CCSER1: variants seen among roughly 807,000 people sequenced by gnomAD.
CCSER1 encodes coiled-coil serine rich protein 1.
In CCSER1, 41 loss-of-function variants were observed where a neutral mutation model predicts 82.0. The observed-to-expected ratio is 0.50, with a 90% CI of 0.39 to 0.65. The LOEUF is 0.65. Ranked by LOEUF, CCSER1 falls within the 30% of genes least tolerant of loss-of-function variation. The pLI is 0.00. For missense variants in CCSER1, 1,119 were observed against 1,064.2 expected (o/e 1.05, Z -0.72); for synonymous variants, 414 against 383.9 (o/e 1.08, Z -0.92).
intron 9 of CCSER1, among the ~76,000 whole-genome samples, chr4:90,993,335 G>T (rs1344007561): frequency 6.6e-6 from 1 of 151,774 alleles, no homozygotes; most frequent in Non-Finnish European, 1.5e-5. Context: ...ATTATTCTCG[G>T]GTGGAACTGA....
intron 5 of CCSER1, among the ~76,000 whole-genome samples, chr4:90,543,247 C>T (rs965510571): frequency 1.1e-4 from 16 of 152,038 alleles, no homozygotes; most frequent in African/African-American, 3.9e-4. Context: ...TATATATCAA[C>T]CTAAAAACAC....
intron 1 of CCSER1, among the ~76,000 whole-genome samples, chr4:90,269,784 CCTGA>C (rs1187507233): frequency 2.6e-5 from 4 of 151,372 alleles, no homozygotes; most frequent in African/African-American, 9.7e-5. Context: ...AAACCTTTAG[CCTGA>C]CTAAGAAAAC....
At chr4:91,347,396 C>T (rs975187772) in intron 10 of CCSER1, among the ~76,000 whole-genome samples, 2 of 152,058 alleles carry the variant, frequency 1.3e-5, no homozygotes, top group African/African-American at 4.8e-5. Flanking sequence ...TTGGTAGTAT[C>T]AGTCTTCCAA....
intron 10 of CCSER1, among the ~76,000 whole-genome samples, chr4:91,436,548 GA>G (rs1388481449): frequency 6.6e-6 from 1 of 152,174 alleles, no homozygotes; most frequent in Non-Finnish European, 1.5e-5. Context: ...TCAAGACATA[GA>G]AATGGAGATT....
intron 10 of CCSER1, among the ~76,000 whole-genome samples, chr4:91,142,845 T>C (rs1047820809): frequency 9.3e-5 from 14 of 150,662 alleles, no homozygotes; most frequent in African/African-American, 3.5e-4. Context: ...TTTGTGTCTG[T>C]TTTTTTACCA....
intron 10 of CCSER1, among the ~76,000 whole-genome samples, chr4:91,331,078 T>C (rs139015372): frequency 0.014 from 2,078 of 151,980 alleles, 29 homozygotes; most frequent in South Asian, 0.047. Flanking sequence ...CCACTGGGGG[T>C]CTTGAAATGT....
At chr4:91,298,012 G>A (rs1744350907) in intron 10 of CCSER1, among the ~76,000 whole-genome samples, 1 of 151,952 alleles carries the variant, frequency 6.6e-6, no homozygotes, top group Admixed American at 6.6e-5. Flanking sequence ...ATAATAGGTA[G>A]TGTTAAGAAG....
chr4:90,297,401 A>G (rs1002657613), intron 1 of CCSER1, among the ~76,000 whole-genome samples: 124 of 151,984 alleles, frequency 8.2e-4, no homozygotes, highest in African/African-American at 2.9e-3. Context: ...GGGCTGAGAC[A>G]GTGGGGTTTT....
intron 1 of CCSER1, among the ~76,000 whole-genome samples, chr4:90,167,034 G>A (rs966795275): frequency 2.6e-5 from 4 of 151,838 alleles, no homozygotes; most frequent in Admixed American, 6.6e-5. Context: ...CTTCTTATGT[G>A]TATTGTTTAT....
At chr4:90,829,551 A>G (rs1193438914) in intron 8 of CCSER1, among the ~76,000 whole-genome samples, 1 of 152,206 alleles carries the variant, frequency 6.6e-6, no homozygotes, top group Non-Finnish European at 1.5e-5. Flanking sequence ...GTATGGGTCC[A>G]TAGTAACTTC....
chr4:90,315,125 C>A (rs1393691723), intron 3 of CCSER1, among the ~76,000 whole-genome samples: 1 of 152,140 alleles, frequency 6.6e-6, no homozygotes, highest in East Asian at 1.9e-4. Flanking sequence ...GCTGGGATTA[C>A]AAGCGTGAGC....
chr4:91,444,284 T>C (rs1755406606), intron 10 of CCSER1, among the ~76,000 whole-genome samples: 1 of 152,176 alleles, frequency 6.6e-6, no homozygotes, highest in Non-Finnish European at 1.5e-5. Context: ...CTAAATTATT[T>C]AATTGTCCAG....
chr4:90,532,376 T>C (rs1774639735), intron 5 of CCSER1, among the ~76,000 whole-genome samples: 1 of 152,094 alleles, frequency 6.6e-6, no homozygotes, highest in Non-Finnish European at 1.5e-5. Context: ...CTTTGGCTTC[T>C]GTGATTCCAT....
chr4:91,142,542 C>T (rs1729137817), intron 10 of CCSER1, among the ~76,000 whole-genome samples: 1 of 152,130 alleles, frequency 6.6e-6, no homozygotes, highest in Non-Finnish European at 1.5e-5. Context: ...TTTGCCAAGG[C>T]TGATGTCCAA....
intron 6 of CCSER1, among the ~76,000 whole-genome samples, chr4:90,691,762 A>G (rs1345038164): frequency 6.6e-6 from 1 of 151,692 alleles, no homozygotes; most frequent in East Asian, 1.9e-4. Flanking sequence ...GGTAAATTGC[A>G]TGTCACAGGG....
chr4:91,349,124 G>A (rs1220613778), intron 10 of CCSER1, among the ~76,000 whole-genome samples: 1 of 152,050 alleles, frequency 6.6e-6, no homozygotes, highest in Non-Finnish European at 1.5e-5. Flanking sequence ...AGCCAGGATG[G>A]TCTTTATCTC....
rs189004543 is a variant in CCSER1, at chr4:91,271,783, T to G, written c.2217+185789T>G. Among the ~76,000 whole-genome samples the G allele has an allele frequency of 1.6e-3, 237 of 152,258 alleles. 1 individual carries two copies. The highest frequency in any genetic ancestry group is 5.3e-3 in the African/African-American group (219 of 41,554). Reference sequence around the variant, plus strand: ...TTTTGTTTGTTTTTGAGACGGAGTTTCGCTCTTGTTGCCCAGGCTTGAGTG... The same window carrying G: ...TTTTGTTTGTTTTTGAGACGGAGTTGCGCTCTTGTTGCCCAGGCTTGAGTG... On this transcript the variant is annotated intron_variant, in intron 10 of 10. Transcript: ENST00000509176.
intron 1 of CCSER1, among the ~76,000 whole-genome samples, chr4:90,169,073 G>A (rs774313524): frequency 3.9e-5 from 6 of 151,944 alleles, no homozygotes; most frequent in Admixed American, 1.3e-4. Context: ...GGGCAGTATG[G>A]CCATGTTCAC....
At chr4:90,920,007 A>C (rs1189418702) in intron 8 of CCSER1, among the ~76,000 whole-genome samples, 20 of 151,948 alleles carry the variant, frequency 1.3e-4, no homozygotes, top group African/African-American at 4.3e-4. Flanking sequence ...TTATTTATAA[A>C]ATTTATCTAC....
Sources: gnomAD v4.1 joint callset for allele counts (sites outside exome capture counted in the v4.1 genomes callset) on GRCh38, gnomAD v4.1.1 for gene constraint, MANE v1.5 for transcripts, NCBI Gene and HGNC (gene_info 2026-07-23, HGNC 2026-07-21) for gene names.